Variants in CCDC51 observed in about 807,000 individuals in gnomAD.
CCDC51 encodes the protein coiled-coil domain containing 51.
Under a neutral mutation model 24.8 loss-of-function variants are expected in CCDC51, and 25 were observed. The ratio of observed to expected loss-of-function variants is 1.01; its 90% CI spans 0.73 to 1.41. CCDC51 has a LOEUF of 1.41. Ranked by LOEUF, CCDC51 falls within the 40% of genes most tolerant of loss-of-function variation. CCDC51 has a pLI of 0.00. For synonymous variants in CCDC51, 190 were observed against 204.3 expected (o/e 0.93, Z 0.60); for missense variants, 466 against 519.1 (o/e 0.90, Z 0.99).
At chr3:48,444,799 G>A (rs1234332380), upstream of CCDC51, among the ~76,000 whole-genome samples, 4 of 152,116 alleles carry the variant, frequency 2.6e-5, no homozygotes, top group Non-Finnish European at 4.4e-5. Context: ...GTCCCCATGC[G>A]CACCAAACAG....
rs903021437 is a variant in CCDC51, at chr3:48,433,292, G to C, written c.478-126C>G. On this transcript the variant is annotated intron_variant, in intron 3 of 3. Transcript: ENST00000395694. This position sits in a 1 kb window ranked among gnomAD's most constrained non-coding sequence, Gnocchi z 4.4. Reference sequence around the variant, plus strand: ...CATGTTCCATAGACCCATGCTGAATGAATGAAGGTAGCACCAACCTGGCTG... The same window carrying C: ...CATGTTCCATAGACCCATGCTGAATCAATGAAGGTAGCACCAACCTGGCTG... The C allele has an allele frequency of 3.0e-5, 28 of 935,844 alleles. No homozygotes were observed. The highest frequency in any genetic ancestry group is 4.0e-5 in the Non-Finnish European group (25 of 632,816). 58.0% of individuals were successfully genotyped at this position (935,844 alleles called of 1,614,324 possible).
upstream of CCDC51, among the ~76,000 whole-genome samples, chr3:48,443,498 C>T (rs543217347): frequency 1.9e-4 from 28 of 150,576 alleles, no homozygotes; most frequent in Non-Finnish European, 3.2e-4. Flanking sequence ...CGTGCCACTG[C>T]ACTGCAGCCT....
chr3:48,440,028 C>T lies in CCDC51; in HGVS notation c.-49G>A. ...CGCGCACGGCCACAGGCCTGGTAGG[C>T]CGTCCGGTTAAGTACCCCTCCTACG... On this transcript the variant is annotated 5_prime_UTR_variant, in exon 1 of 4. Coordinates refer to ENST00000395694, the MANE Select transcript of CCDC51 (RefSeq NM_001256964.2). The T allele has an allele frequency of 3.7e-6, 2 of 538,512 alleles. No homozygotes were observed. The highest frequency in any genetic ancestry group is 6.4e-6 in the Non-Finnish European group (2 of 311,956). The allele number at this position is 538,512 out of a possible 1,614,324, so 33.4% of individuals were successfully genotyped here. A position where few individuals can be genotyped will look rare whatever the true frequency, so the allele number is the denominator to read the frequency against.
intron 2 of CCDC51, 162 bp from the exon 3 acceptor site, chr3:48,434,033 C>A: frequency 7.1e-7 from 1 of 1,404,386 alleles, no homozygotes; most frequent in Non-Finnish European, 9.3e-7. Context: ...CCCAGTGGTG[C>A]TCAAAGTGCA....
chr3:48,443,455 A>T (rs1342202994), upstream of CCDC51, among the ~76,000 whole-genome samples: 1 of 151,526 alleles, frequency 6.6e-6, no homozygotes, highest in Non-Finnish European at 1.5e-5. Context: ...AATTGCTTCA[A>T]CCTGGGAGGC....
chr3:48,444,309 C>T (rs977804042), upstream of CCDC51: 1 of 153,596 alleles, frequency 6.5e-6, no homozygotes, highest in Non-Finnish European at 1.4e-5. Flanking sequence ...GAGTCTCACT[C>T]TCACCCAGGC....
upstream of CCDC51, among the ~76,000 whole-genome samples, chr3:48,443,189 C>T (rs2039606105): frequency 7.1e-6 from 1 of 140,424 alleles, no homozygotes; most frequent in Admixed American, 7.7e-5. Context: ...TGCAGTGAGC[C>T]AAAATTGCAC....
chr3:48,443,550 A>G (rs1175135113), upstream of CCDC51, among the ~76,000 whole-genome samples: 1 of 151,446 alleles, frequency 6.6e-6, no homozygotes, highest in Non-Finnish European at 1.5e-5. Flanking sequence ...AAAAAAAAAA[A>G]GGACTTCTTT....
upstream of CCDC51, chr3:48,440,681 TG>T (rs2039538788): frequency 6.6e-7 from 1 of 1,525,566 alleles, no homozygotes; most frequent in South Asian, 1.2e-5. Context: ...GAGCACCTAT[TG>T]GGATGAGGGC....
chr3:48,445,532 C>T, the CCDC51 span, among the ~76,000 whole-genome samples: 1 of 152,172 alleles, frequency 6.6e-6, no homozygotes, highest in Non-Finnish European at 1.5e-5. Context: ...CACACTGTTC[C>T]TGAAAGCAAG....
At chr3:48,441,860 A>T (rs1365469800), upstream of CCDC51, among the ~76,000 whole-genome samples, 1 of 151,998 alleles carries the variant, frequency 6.6e-6, no homozygotes, top group African/African-American at 2.4e-5. Flanking sequence ...GCTTCCCAAG[A>T]CCTCTCTCCC....
At chr3:48,434,751 C>A in intron 2 of CCDC51, 66 bp downstream of exon 2, 1 of 1,426,526 alleles carries the variant, frequency 7.0e-7, no homozygotes, top group Non-Finnish European at 9.6e-7. Context: ...CCCAGCACCA[C>A]GTGACTGGTT....
upstream of CCDC51, chr3:48,440,558 G>T (rs1042930666): frequency 6.2e-7 from 1 of 1,611,802 alleles, no homozygotes; most frequent in Non-Finnish European, 8.5e-7. Context: ...AGGCTTTCAA[G>T]CAGAAACAAA....
chr3:48,441,609 C>T (rs747231304), upstream of CCDC51, among the ~76,000 whole-genome samples: 2 of 152,160 alleles, frequency 1.3e-5, no homozygotes, highest in East Asian at 1.9e-4. Flanking sequence ...TGTGCTGTTG[C>T]TCCATATGCT....
At chr3:48,442,667 G>A (rs909305940), upstream of CCDC51, among the ~76,000 whole-genome samples, 1 of 151,692 alleles carries the variant, frequency 6.6e-6, no homozygotes, top group Non-Finnish European at 1.5e-5. Context: ...GGCCAGGATG[G>A]TCTCGATCTC....
rs568278137 is a variant in CCDC51, at chr3:48,432,437, C to A, written c.1207G>T (p.Val403Leu). 829 of 1,614,250 alleles carry A rather than the reference C, an allele frequency of 5.1e-4. 9 individuals are homozygous for A. The South Asian group carries it at 8.5e-3, about 17-fold the overall frequency. Reference protein sequence around the residue: ...TCVTFVATLPVLYMLFKAS With the variant: ...TCVTFVATLPLLYMLFKAS Reference sequence around the variant, plus strand: ...CTGGCTTTGAATAGCATGTAGAGCACAGGCAGTGTGGCCACAAATGTCACA... The same window carrying A: ...CTGGCTTTGAATAGCATGTAGAGCAAAGGCAGTGTGGCCACAAATGTCACA... Residue 403 changes from valine (V) to leucine (L), a missense_variant, in exon 4 of 4, where the codon GTG becomes TTG. By Grantham distance (32) the Val-to-Leu change is conservative. Transcript: ENST00000395694.
Position 48,432,424 on chromosome 3 carries a change from A to G in CCDC51, c.1220T>C (p.Leu407Pro), listed in dbSNP as rs2039194728. Residue 407 changes from leucine to proline, a missense_variant, in exon 4 of 4, where the codon CTA (leucine) becomes CCA (proline). Leu to Pro is a moderately conservative substitution (Grantham distance 98). Transcript: ENST00000395694. ...FVATLPVLYM[L>P]FKAS ...GGCCAGGGGTTAGCTGGCTTTGAAT[A>G]GCATGTAGAGCACAGGCAGTGTGGC... 1 of 1,614,226 alleles carries G rather than the reference A, an allele frequency of 6.2e-7. No individual in the cohort carries two copies. The highest frequency in any genetic ancestry group is 1.3e-5 in the African/African-American group (1 of 75,062).
At chr3:48,440,283 C>T (rs368160492), upstream of CCDC51, 20 of 1,599,524 alleles carry the variant, frequency 1.3e-5, no homozygotes, top group Admixed American at 1.7e-5. Context: ...TCTGGGGAAG[C>T]GGCGGCAGGC....
chr3:48,443,506 C>T (rs1318561942), upstream of CCDC51, among the ~76,000 whole-genome samples: 1 of 151,456 alleles, frequency 6.6e-6, no homozygotes, highest in Non-Finnish European at 1.5e-5. Context: ...TGCACTGCAG[C>T]CTGGGCGACA....
Sources: allele counts gnomAD v4.1 joint callset (sites outside exome capture counted in the v4.1 genomes callset), GRCh38; gene constraint gnomAD v4.1.1; non-coding constraint Gnocchi (gnomAD v3.1); transcripts MANE v1.5; gene names NCBI Gene and HGNC (gene_info 2026-07-23, HGNC 2026-07-21).